PREX1: variants seen among roughly 807,000 people sequenced by gnomAD.
PREX1 encodes phosphatidylinositol 3,4,5-trisphosphate-dependent Rac exchanger 1 protein.
Under a neutral mutation model 198.3 loss-of-function variants are expected in PREX1, and 41 were observed. The observed-to-expected ratio is 0.21, with a 90% CI of 0.16 to 0.27. The LOEUF (loss-of-function observed/expected upper bound fraction) is 0.27, where lower values mean the gene tolerates loss of function less well. PREX1 is among the 10% of genes least tolerant of loss of function. The probability of loss-of-function intolerance (pLI) is 1.00; values close to 1 mark genes in which losing one functional copy is unlikely to be tolerated. For synonymous variants in PREX1, 843 were observed against 887.2 expected (o/e 0.95, Z 0.89); for missense variants, 1,620 against 2,200.7 (o/e 0.74, Z 5.28).
chr20:48,657,011 T>A (rs189240596), intron 18 of PREX1, 29 bp downstream of exon 18: 1 of 1,560,552 alleles, frequency 6.4e-7, no homozygotes, highest in African/African-American at 1.4e-5. Context: ...GAGGGAGGGC[T>A]GCCGGACACC....
At chr20:48,711,276 G>A (rs1238172367) in intron 5 of PREX1, among the ~76,000 whole-genome samples, 2 of 152,108 alleles carry the variant, frequency 1.3e-5, no homozygotes, top group East Asian at 3.9e-4. Context: ...ACTCCCCTAA[G>A]CCATCAGCCT....
intron 18 of PREX1, among the ~76,000 whole-genome samples, 171 bp from the exon 19 acceptor site, chr20:48,655,546 T>C (rs1319809549): frequency 3.3e-5 from 5 of 152,082 alleles, no homozygotes; most frequent in African/African-American, 7.2e-5. Context: ...GAGAGAAATG[T>C]CAATCAGGCA....
intron 5 of PREX1, among the ~76,000 whole-genome samples, chr20:48,718,105 G>A (rs113599358): frequency 4.1e-4 from 63 of 152,314 alleles, no homozygotes; most frequent in African/African-American, 1.5e-3. Context: ...CTACTCACTC[G>A]TTTCCTGCAC....
chr20:48,650,081 G>A lies in PREX1; in HGVS notation c.2943C>T (p.Tyr981=). 1 of 1,614,222 alleles carries A rather than the reference G, an allele frequency of 6.2e-7. No individual in the cohort carries two copies. Among genetic ancestry groups the A allele is most frequent in the South Asian group, 1.1e-5 (1 of 91,086 alleles). ...NCHINLMEVS[Y]PKTTPSVGRS... ...TGCCCACTGAGGGGGTGGTCTTGGGGTAGGACACTTCCATGAGGTTGATGT... is the reference window on the plus strand; with the variant it reads ...TGCCCACTGAGGGGGTGGTCTTGGGATAGGACACTTCCATGAGGTTGATGT... The change falls in exon 24 of 40, where the codon TAC becomes TAT. Residue 981 remains tyrosine (Y), a synonymous_variant. Coordinates refer to ENST00000371941, the MANE Select transcript of PREX1 (RefSeq NM_020820.4).
At chr20:48,862,768 G>C in the PREX1 span, among the ~76,000 whole-genome samples, 1 of 82,684 alleles carries the variant, frequency 1.2e-5, no homozygotes, top group Non-Finnish European at 2.4e-5. Context: ...AACTTTAAAA[G>C]CTAAAAAAGC....
the PREX1 span, among the ~76,000 whole-genome samples, chr20:48,861,484 T>C: frequency 6.6e-6 from 1 of 152,168 alleles, no homozygotes; most frequent in East Asian, 1.9e-4. Context: ...TCTGGAAGGG[T>C]TCCCCCTTGG....
intron 15 of PREX1, among the ~76,000 whole-genome samples, chr20:48,661,468 T>TATATATATATATACAC (rs1373152651): frequency 1.2e-4 from 9 of 76,800 alleles, no homozygotes; most frequent in African/African-American, 6.0e-4. Flanking sequence ...TATATATATA[T>TATATATATATATACAC]ACACACACAT....
intron 1 of PREX1, among the ~76,000 whole-genome samples, chr20:48,771,497 C>G (rs546464137): frequency 6.6e-6 from 1 of 152,010 alleles, no homozygotes; most frequent in Non-Finnish European, 1.5e-5. Flanking sequence ...TCTAGCCGGG[C>G]GTGGTGGCTC....
At chr20:48,668,607 T>C (rs1400055523) in intron 14 of PREX1, among the ~76,000 whole-genome samples, 1 of 152,138 alleles carries the variant, frequency 6.6e-6, no homozygotes, top group Non-Finnish European at 1.5e-5. Flanking sequence ...GGGGTGCTAT[T>C]CAGAGGCAGC....
chr20:48,646,243 G>A (rs910131871), intron 25 of PREX1, among the ~76,000 whole-genome samples, 186 bp from the exon 26 acceptor site: 3 of 152,214 alleles, frequency 2.0e-5, no homozygotes, highest in Non-Finnish European at 4.4e-5. Context: ...AGCCTTTCCT[G>A]TGAAGACCCT....
chr20:48,877,050 A>T, the PREX1 span, among the ~76,000 whole-genome samples: 2 of 152,182 alleles, frequency 1.3e-5, no homozygotes, highest in African/African-American at 2.4e-5. Flanking sequence ...CGGGTGGATC[A>T]CCTGAGGTCA....
intron 5 of PREX1, among the ~76,000 whole-genome samples, chr20:48,710,323 C>T (rs1264568490): frequency 6.6e-6 from 1 of 152,186 alleles, no homozygotes; most frequent in East Asian, 1.9e-4. Flanking sequence ...GCTGTGGAGG[C>T]TGGGCAAAGA....
chr20:48,844,144 A>T, the PREX1 span, among the ~76,000 whole-genome samples: 2 of 151,938 alleles, frequency 1.3e-5, no homozygotes, highest in African/African-American at 2.4e-5. Context: ...TGTCTCAAAA[A>T]AAAATCTAGT....
rs575436268 is a variant in PREX1, at chr20:48,748,833, G to T, written c.220-953C>A. 3.3e-5 allele frequency among the ~76,000 whole-genome samples: 5 copies of T among 152,342 alleles called. No individual in the cohort carries two copies. In the South Asian group the frequency reaches 1.0e-3, roughly 32 times the overall value. On this transcript the variant is annotated intron_variant, in intron 1 of 39. Coordinates refer to ENST00000371941, the MANE Select transcript of PREX1 (RefSeq NM_020820.4). ...AGGTTCGGATTTGGGTGTTGTTGTGGTTTTTAATGAAGCCAGAAATTAGAA... is the reference window on the plus strand; with the variant it reads ...AGGTTCGGATTTGGGTGTTGTTGTGTTTTTTAATGAAGCCAGAAATTAGAA...
In PREX1 at chr20:48,624,537, G is replaced by C. The variant is rs991445070; in HGVS notation, c.*1348C>G. The C allele has an allele frequency of 6.6e-6, 1 of 152,296 alleles. No homozygotes were observed. The highest frequency in any genetic ancestry group is 1.5e-5 in the Non-Finnish European group (1 of 68,026). The allele number at this position is 152,296 out of a possible 1,614,324, so 9.4% of individuals were successfully genotyped here. A position where few individuals can be genotyped will look rare whatever the true frequency, so the allele number is the denominator to read the frequency against. On this transcript the variant is annotated 3_prime_UTR_variant, in exon 40 of 40. Transcript: ENST00000371941. Reference sequence around the variant, plus strand: ...GGAGGGCTTCAAGCTCCCAGGCCTGGGGGCAGCAGGGAGCCCCCACCTGAA... The same window carrying C: ...GGAGGGCTTCAAGCTCCCAGGCCTGCGGGCAGCAGGGAGCCCCCACCTGAA...
chr20:48,748,049 A>G (rs2090117398), intron 1 of PREX1, among the ~76,000 whole-genome samples, 169 bp from the exon 2 acceptor site: 1 of 152,000 alleles, frequency 6.6e-6, no homozygotes, highest in Non-Finnish European at 1.5e-5. Context: ...CACCTTAAAC[A>G]CACTGGAGCA....
chr20:48,780,009 G>A (rs73258476), intron 1 of PREX1, among the ~76,000 whole-genome samples: 2,360 of 152,270 alleles, frequency 0.015, 53 homozygotes, highest in African/African-American at 0.054. Context: ...CTCTATGTAA[G>A]CTTCAAAAGT....
At chr20:48,757,895 A>G (rs562568669) in intron 1 of PREX1, among the ~76,000 whole-genome samples, 2 of 152,300 alleles carry the variant, frequency 1.3e-5, no homozygotes, top group South Asian at 4.1e-4. Context: ...AAAAGAATAA[A>G]TCTTGATTTA....
At chr20:48,805,529 G>A (rs1179991102) in intron 1 of PREX1, among the ~76,000 whole-genome samples, 1 of 152,222 alleles carries the variant, frequency 6.6e-6, no homozygotes, top group African/African-American at 2.4e-5. Flanking sequence ...TTGGCCCGAA[G>A]TGTTGTGGTG....
Sources: gnomAD v4.1 joint callset for allele counts (sites outside exome capture counted in the v4.1 genomes callset) on GRCh38, gnomAD v4.1.1 for gene constraint, MANE v1.5 for transcripts, NCBI Gene and HGNC (gene_info 2026-07-23, HGNC 2026-07-21) for gene names.